Variants in UGT1A5 observed in about 807,000 individuals in gnomAD.
UGT1A5 encodes UDP glucuronosyltransferase family 1 member A5.
In UGT1A5, 29 loss-of-function variants were observed where a neutral mutation model predicts 40.3. The observed-to-expected ratio is 0.72, with a 90% CI of 0.54 to 0.98. UGT1A5 has a LOEUF of 0.98. Among genes scored for constraint, UGT1A5 ranks in the 50% least tolerant of loss-of-function variants. UGT1A5 has a pLI of 0.00. For missense variants in UGT1A5, 678 were observed against 677.9 expected, an observed-to-expected ratio of 1.00 and a Z score of 0.00; for synonymous variants, 257 against 262.5, an observed-to-expected ratio of 0.98 and a Z score of 0.20.
intron 1 of UGT1A5, among the ~76,000 whole-genome samples, chr2:233,726,630 ATC>A (rs1038498407): frequency 3.9e-5 from 6 of 152,270 alleles, no homozygotes; most frequent in African/African-American, 1.2e-4. Context: ...ACCCAGGACA[ATC>A]TCCCCATCTT....
At chr2:233,738,115 G>T (rs1249005866) in intron 1 of UGT1A5, among the ~76,000 whole-genome samples, 5 of 152,176 alleles carry the variant, frequency 3.3e-5, no homozygotes, top group African/African-American at 1.2e-4. Flanking sequence ...AGATCTGATG[G>T]TTTTATAAGG....
chr2:233,729,694 C>G, intron 1 of UGT1A5: 3 of 1,613,908 alleles, frequency 1.9e-6, no homozygotes, highest in Non-Finnish European at 2.5e-6. Flanking sequence ...GTGTCCAAAC[C>G]CTTCCTCCTA....
intron 1 of UGT1A5, among the ~76,000 whole-genome samples, chr2:233,724,264 C>A (rs1250827727): frequency 1.7e-5 from 2 of 116,566 alleles, no homozygotes; most frequent in East Asian, 2.8e-4. Flanking sequence ...ACCTCCCGGA[C>A]GGGGCGGCTG....
At chr2:233,734,584 T>C (rs1211494079) in intron 1 of UGT1A5, among the ~76,000 whole-genome samples, 1 of 152,216 alleles carries the variant, frequency 6.6e-6, no homozygotes, top group East Asian at 1.9e-4. Flanking sequence ...CTTGCTTATC[T>C]AGTTCTTTTA....
chr2:233,720,049 G>A (rs1278605052), intron 1 of UGT1A5, among the ~76,000 whole-genome samples: 10 of 152,182 alleles, frequency 6.6e-5, no homozygotes, highest in East Asian at 5.8e-4. Context: ...TCAGCTGAAC[G>A]GTGATGCAAC....
At chr2:233,722,224 A>G (rs2077000987) in intron 1 of UGT1A5, among the ~76,000 whole-genome samples, 1 of 152,140 alleles carries the variant, frequency 6.6e-6, no homozygotes, top group Non-Finnish European at 1.5e-5. Context: ...TTACACCAAA[A>G]TCTTTATCAT....
rs1170643319 is a variant in UGT1A5 at position 233,713,005 on chromosome 2, T to C, written c.14T>C (p.Leu5Pro). 3.7e-6 allele frequency: 6 copies of C among 1,613,446 alleles called. No homozygotes were observed. The highest frequency in any genetic ancestry group is 5.1e-6 in the Non-Finnish European group (6 of 1,180,036). Residue 5 changes from leucine (L) to proline (P), a missense_variant, in exon 1 of 5, where the codon CTC becomes CCC. Leu to Pro is a moderately conservative substitution (Grantham distance 98). Transcript: ENST00000373414. MATGLQVPLPQLATG... is the reference protein window; with the variant it reads MATGPQVPLPQLATG... ...GCTTCTGCTGAGATGGCCACAGGAC[T>C]CCAGGTTCCCCTGCCGCAGCTGGCC...
chr2:233,715,569 T>C (rs1403314383), intron 1 of UGT1A5, among the ~76,000 whole-genome samples: 3 of 152,040 alleles, frequency 2.0e-5, no homozygotes, highest in Non-Finnish European at 4.4e-5. Context: ...CCCAGGAGTC[T>C]GAGAGCAGCC....
chr2:233,729,681 A>C (rs200127379), intron 1 of UGT1A5: 1 of 1,613,946 alleles, frequency 6.2e-7, no homozygotes. Flanking sequence ...TTAAGGGCAC[A>C]CAGTGTCCAA....
chr2:233,724,111 G>A (rs2077170036), intron 1 of UGT1A5, among the ~76,000 whole-genome samples: 1 of 116,358 alleles, frequency 8.6e-6, no homozygotes. Context: ...GGGCGGCCGG[G>A]CAGAGGCGCC....
At chr2:233,734,764 G>A (rs902615341) in intron 1 of UGT1A5, among the ~76,000 whole-genome samples, 11 of 152,078 alleles carry the variant, frequency 7.2e-5, no homozygotes, top group African/African-American at 2.2e-4. Flanking sequence ...CCTTCACTTC[G>A]TTATTTACCC....
chr2:233,715,252 A>C (rs74669452), intron 1 of UGT1A5, among the ~76,000 whole-genome samples: 1,791 of 152,300 alleles, frequency 0.012, 19 homozygotes, highest in South Asian at 0.027. Flanking sequence ...GTCTTTTAAA[A>C]AATCCCCTTA....
Position 233,768,283 on chromosome 2 carries a change from G to T in UGT1A5, c.1151G>T (p.Cys384Phe). 6.2e-7 allele frequency: 1 copy of T among 1,614,180 alleles called. No homozygotes were observed. The change falls in exon 4 of 5, where the codon TGC becomes TTC. Residue 384 changes from cysteine (C) to phenylalanine (F), a missense_variant. Transcript: ENST00000373414. ...TCCCATGGTGTTTATGAAAGCATAT[G>T]CAATGGCGTTCCCATGGTGATGATG... Reference protein sequence around the residue: ...AGSHGVYESICNGVPMVMMPL... With the variant: ...AGSHGVYESIFNGVPMVMMPL...
chr2:233,743,792 G>A (rs775660405), intron 1 of UGT1A5: 16 of 1,367,176 alleles, frequency 1.2e-5, no homozygotes, highest in East Asian at 4.6e-5. Context: ...TCTCCTCTCC[G>A]CTTCCTCCTT....
intron 1 of UGT1A5, chr2:233,742,605 G>A (rs1344042789): frequency 6.6e-6 from 1 of 151,892 alleles, no homozygotes; most frequent in Non-Finnish European, 1.5e-5. Context: ...TACCATAGTT[G>A]GAGAACCACG....
chr2:233,765,074 T>C (rs1191317330), intron 1 of UGT1A5, among the ~76,000 whole-genome samples: 1 of 152,100 alleles, frequency 6.6e-6, no homozygotes, highest in African/African-American at 2.4e-5. Context: ...GTCTCCTGTG[T>C]CTCACATCTA....
intron 1 of UGT1A5, chr2:233,747,094 A>T: frequency 7.8e-7 from 1 of 1,281,688 alleles, no homozygotes; most frequent in Non-Finnish European, 1.1e-6. Flanking sequence ...AGAGCACTCT[A>T]TCTTCCAATT....
chr2:233,747,124 G>A, intron 1 of UGT1A5: 2 of 1,489,224 alleles, frequency 1.3e-6, no homozygotes, highest in Non-Finnish European at 1.8e-6. Flanking sequence ...TTTGCTAAGT[G>A]GCTCAGTGAC....
intron 1 of UGT1A5, chr2:233,730,038 C>T (rs1559375450): frequency 6.2e-7 from 1 of 1,612,872 alleles, no homozygotes; most frequent in East Asian, 2.2e-5. Flanking sequence ...AGGCAAAACA[C>T]TTTTTAAAAA....
Sources: allele counts gnomAD v4.1 joint callset (sites outside exome capture counted in the v4.1 genomes callset), GRCh38; gene constraint gnomAD v4.1.1; transcripts MANE v1.5; gene names NCBI Gene and HGNC (gene_info 2026-07-23, HGNC 2026-07-21).